The following EFCAB6 variants were observed in gnomAD, a reference collection of about 807,000 sequenced individuals.
The protein encoded by EFCAB6 is EF-hand calcium binding domain 6.
A neutral mutation model predicts 169.8 loss-of-function variants in EFCAB6; 156 were observed. The observed-to-expected ratio is 0.92, with a 90% CI of 0.81 to 1.05. The LOEUF is 1.05. Ranked by LOEUF, EFCAB6 falls within the 50% of genes least tolerant of loss-of-function variation. The pLI is 0.00. For missense variants in EFCAB6, 1,800 were observed against 1,829.1 expected (o/e 0.98, Z 0.29); for synonymous variants, 698 against 676.4 (o/e 1.03, Z -0.50).
chr22:43,570,603 A>G (rs2049790727), intron 26 of EFCAB6, among the ~76,000 whole-genome samples: 1 of 127,692 alleles, frequency 7.8e-6, no homozygotes, highest in Non-Finnish European at 1.6e-5. Flanking sequence ...GCTGCCGTTT[A>G]GGTGTTCTCT....
At chr22:43,570,251 ACT>A (rs2049765674) in intron 26 of EFCAB6, 1 of 152,074 alleles carries the variant, frequency 6.6e-6, no homozygotes, top group Non-Finnish European at 1.5e-5. Flanking sequence ...CAAAATAATT[ACT>A]CTGTATTGAA....
intron 10 of EFCAB6, among the ~76,000 whole-genome samples, chr22:43,703,570 G>A (rs2058841723): frequency 6.7e-6 from 1 of 149,544 alleles, no homozygotes. Flanking sequence ...AAAATTCAGT[G>A]AGCTACAAGA....
At chr22:43,740,941 C>T (rs1420484658) in intron 6 of EFCAB6, among the ~76,000 whole-genome samples, 1 of 152,164 alleles carries the variant, frequency 6.6e-6, no homozygotes, top group African/African-American at 2.4e-5. Context: ...AGCGTGAGCA[C>T]CGGGAAGCAG....
At chr22:43,561,266 A>C (rs1404465702) in intron 26 of EFCAB6, among the ~76,000 whole-genome samples, 3 of 151,976 alleles carry the variant, frequency 2.0e-5, no homozygotes, top group Non-Finnish European at 4.4e-5. Context: ...CTGAGGCAGA[A>C]GAATTGCTTG....
At chr22:43,649,463 T>C (rs189388603) in intron 17 of EFCAB6, among the ~76,000 whole-genome samples, 1 of 152,226 alleles carries the variant, frequency 6.6e-6, no homozygotes, top group African/African-American at 2.4e-5. Context: ...AACATTACAG[T>C]ATTTTTAAAA....
chr22:43,782,132 A>C, intron 3 of EFCAB6, 48 bp downstream of exon 3: 1 of 1,566,218 alleles, frequency 6.4e-7, no homozygotes, highest in Non-Finnish European at 8.7e-7. Flanking sequence ...TTAAATACAT[A>C]TAAGTGATAT....
At chr22:43,695,751 G>A (rs1270303042) in intron 10 of EFCAB6, among the ~76,000 whole-genome samples, 1 of 152,058 alleles carries the variant, frequency 6.6e-6, no homozygotes, top group African/African-American at 2.4e-5. Flanking sequence ...AACAAATGGT[G>A]CTGGAACAAT....
At position 43,572,275 on chromosome 22, in the gene EFCAB6, G is replaced by T. The variant is rs2049935524; in HGVS notation, c.3420+4022C>A. Among the ~76,000 whole-genome samples, 1 of 152,218 alleles carries T rather than the reference G, an allele frequency of 6.6e-6. No individual in the cohort carries two copies. Among genetic ancestry groups the T allele is most frequent in the South Asian group, 2.1e-4 (1 of 4,828 alleles). ...CAATGTTGCGGGAGGCAAGCTGACA[G>T]CACATAAAGCTTTAGGAATGTTCTC... is the stretch of plus-strand genomic sequence containing the variant. On this transcript the variant is annotated intron_variant, in intron 26 of 31. Coordinates refer to ENST00000262726, the MANE Select transcript of EFCAB6 (RefSeq NM_022785.4). This position sits in a 1 kb window ranked among gnomAD's most constrained non-coding sequence, Gnocchi z 4.0.
At chr22:43,679,355 A>ATTACAT (rs2057910587) in intron 12 of EFCAB6, among the ~76,000 whole-genome samples, 2 of 152,186 alleles carry the variant, frequency 1.3e-5, no homozygotes, top group Non-Finnish European at 2.9e-5. Flanking sequence ...CCAATCGGGC[A>ATTACAT]TTACATTGCC....
At chr22:43,637,398 G>A (rs138736303) in intron 17 of EFCAB6, among the ~76,000 whole-genome samples, 226 of 152,354 alleles carry the variant, frequency 1.5e-3, no homozygotes, top group African/African-American at 5.1e-3. Flanking sequence ...CAGGGAGCTG[G>A]CCCCTGTGGC....
chr22:43,752,116 ATT>A (rs33992120), intron 6 of EFCAB6, among the ~76,000 whole-genome samples: 4 of 123,438 alleles, frequency 3.2e-5, no homozygotes, highest in East Asian at 2.3e-4. Context: ...TCTCCTTTCC[ATT>A]TTTTTTTTTT....
chr22:43,597,927 T>C (rs775643565), intron 23 of EFCAB6, among the ~76,000 whole-genome samples: 2 of 152,146 alleles, frequency 1.3e-5, no homozygotes, highest in Non-Finnish European at 1.5e-5. Context: ...CACAGCAAGA[T>C]GGACAGAACT....
intron 8 of EFCAB6, among the ~76,000 whole-genome samples, chr22:43,729,209 A>G (rs935926414): frequency 1.3e-5 from 2 of 152,196 alleles, no homozygotes; most frequent in African/African-American, 2.4e-5. Flanking sequence ...ATCTACCCCA[A>G]TGACACAAAT....
intron 24 of EFCAB6, among the ~76,000 whole-genome samples, chr22:43,582,341 TACACACACACACAC>T (rs34578401): frequency 6.7e-6 from 1 of 148,266 alleles, no homozygotes; most frequent in Non-Finnish European, 1.5e-5. Flanking sequence ...TCTATACACA[TACACACACACACAC>T]ACACACACAC....
At chr22:43,713,113 C>T (rs1023650511) in intron 9 of EFCAB6, among the ~76,000 whole-genome samples, 2 of 151,950 alleles carry the variant, frequency 1.3e-5, no homozygotes, top group African/African-American at 4.8e-5. Context: ...AAATGAGGTC[C>T]CTGCTGTTAT....
intron 10 of EFCAB6, among the ~76,000 whole-genome samples, chr22:43,706,286 T>C (rs971658788): frequency 5.9e-5 from 9 of 152,242 alleles, no homozygotes; most frequent in African/African-American, 2.2e-4. Context: ...CAGTTCTTCC[T>C]GTGGCTGCTT....
chr22:43,699,163 C>T (rs977475366), intron 10 of EFCAB6, among the ~76,000 whole-genome samples: 2 of 152,162 alleles, frequency 1.3e-5, no homozygotes, highest in Non-Finnish European at 2.9e-5. Flanking sequence ...CTGCATGACA[C>T]GCAGGTGGGT....
At chr22:43,645,713 G>C (rs1014046675) in intron 17 of EFCAB6, among the ~76,000 whole-genome samples, 1 of 152,156 alleles carries the variant, frequency 6.6e-6, no homozygotes, top group African/African-American at 2.4e-5. Context: ...CACTTGTCTA[G>C]GGATGCCTGG....
chr22:43,641,616 C>A (rs1385532357), intron 17 of EFCAB6, among the ~76,000 whole-genome samples: 86 of 122,038 alleles, frequency 7.0e-4, no homozygotes, highest in South Asian at 1.1e-3. Flanking sequence ...AACTCCATCT[C>A]AAAAAAAAAA....
Sources: allele counts gnomAD v4.1 joint callset (sites outside exome capture counted in the v4.1 genomes callset), GRCh38; gene constraint gnomAD v4.1.1; non-coding constraint Gnocchi (gnomAD v3.1); transcripts MANE v1.5; gene names NCBI Gene and HGNC (gene_info 2026-07-23, HGNC 2026-07-21).